BRWD1: variants seen among roughly 807,000 people sequenced by gnomAD.
The protein encoded by BRWD1 is bromodomain and WD repeat domain containing 1.
BRWD1 carries 82 observed loss-of-function variants against 251.2 expected under a neutral mutation model. The observed-to-expected ratio is 0.33, with a 90% CI of 0.27 to 0.39. The LOEUF (loss-of-function observed/expected upper bound fraction) is 0.39, where lower values mean the gene tolerates loss of function less well. BRWD1 is among the 10% of genes least tolerant of loss of function. The pLI, the probability that BRWD1 is intolerant of heterozygous loss-of-function variation, is 1.00. For synonymous variants in BRWD1, 918 were observed against 902.8 expected (o/e 1.02, Z -0.30); for missense variants, 2,233 against 2,711.6 (o/e 0.82, Z 3.92).
intron 36 of BRWD1, among the ~76,000 whole-genome samples, chr21:39,208,978 CAA>C (rs11401609): frequency 3.7e-5 from 5 of 136,002 alleles, no homozygotes; most frequent in Admixed American, 7.4e-5. Flanking sequence ...TACAAAATGA[CAA>C]AAAAAAAAAA....
At chr21:39,222,115 G>A (rs1182531543) in intron 29 of BRWD1, among the ~76,000 whole-genome samples, 1 of 151,964 alleles carries the variant, frequency 6.6e-6, no homozygotes, top group Non-Finnish European at 1.5e-5. Context: ...AATGTAAAAT[G>A]GTATACCTGC....
In BRWD1 at chr21:39,194,923, T is replaced by C. The variant is rs2031733083; in HGVS notation, c.*1336A>G. The C allele has an allele frequency of 4.0e-6, 6 of 1,499,628 alleles. No homozygotes were observed. The highest frequency in any genetic ancestry group is 1.3e-5 in the South Asian group (1 of 77,178). 92.9% of individuals were successfully genotyped at this position (1,499,628 alleles called of 1,614,324 possible). A position where few individuals can be genotyped will look rare whatever the true frequency, so the allele number is the denominator to read the frequency against. On this transcript the variant is annotated 3_prime_UTR_variant, in exon 41 of 41. Coordinates refer to ENST00000342449, the MANE Select transcript of BRWD1 (RefSeq NM_033656.4). ...AACTTACAGGTGGGGTACTGTAACA[T>C]ATCCCTTACCCACTAAATATGTAAA...
chr21:39,262,935 G>C (rs114512470), intron 17 of BRWD1, among the ~76,000 whole-genome samples: 2,312 of 151,844 alleles, frequency 0.015, 58 homozygotes, highest in African/African-American at 0.053. Context: ...GGGCAACATG[G>C]CAAAACCCCA....
intron 37 of BRWD1, among the ~76,000 whole-genome samples, chr21:39,205,789 A>G (rs1601262660): frequency 6.6e-6 from 1 of 151,812 alleles, no homozygotes; most frequent in East Asian, 1.9e-4. Context: ...AATAAAAAAT[A>G]AATAAATAGG....
intron 4 of BRWD1, among the ~76,000 whole-genome samples, chr21:39,304,626 A>AT (rs1244441564): frequency 6.6e-6 from 1 of 151,768 alleles, no homozygotes; most frequent in African/African-American, 2.4e-5. Flanking sequence ...AAACAAAAAA[A>AT]AAATACAAAT....
At position 39,199,545 on chromosome 21, in the gene BRWD1, T is replaced by C. The variant is rs757986583; in HGVS notation, c.4871A>G (p.Asn1624Ser). The part of the protein sequence containing the change: ...TGEILKARAG[N>S]NRKVLRKCAA... ...ACACTTCCTTAAGACTTTTCGGTTA[T>C]TTCCAGCTCTGGCTTTTAGAATTTC... Residue 1624 changes from asparagine (N) to serine (S), a missense_variant, in exon 40 of 41, where the codon AAT becomes AGT. By Grantham distance (46) the Asn-to-Ser change is conservative. Coordinates refer to ENST00000342449, the MANE Select transcript of BRWD1 (RefSeq NM_033656.4). 5.0e-6 allele frequency: 8 copies of C among 1,614,214 alleles called. No individual in the cohort carries two copies. Among genetic ancestry groups the C allele is most frequent in the Non-Finnish European group, 6.8e-6 (8 of 1,180,042 alleles).
chr21:39,218,464 T>C (rs2146518210), intron 30 of BRWD1, 41 bp downstream of exon 30: 7 of 1,527,076 alleles, frequency 4.6e-6, no homozygotes, highest in Non-Finnish European at 6.1e-6. Flanking sequence ...ATGAAAAAAA[T>C]TGAAAAAAAA....
chr21:39,252,737 T>C (rs1191058812), intron 19 of BRWD1, among the ~76,000 whole-genome samples: 1 of 152,196 alleles, frequency 6.6e-6, no homozygotes, highest in Non-Finnish European at 1.5e-5. Flanking sequence ...TTTATCCAGG[T>C]TCTTTGCTGC....
intron 5 of BRWD1, chr21:39,296,688 G>A (rs2035970113): frequency 1.7e-5 from 15 of 864,430 alleles, no homozygotes; most frequent in Non-Finnish European, 2.0e-5. Flanking sequence ...AGGTAACTGA[G>A]GCTCAAAGGT....
rs368495023 is a variant in BRWD1 at position 39,312,904 on chromosome 21, G to A, written c.139-4C>T. ...AGTCCAATCTCTTCGGCAACAACTG[G>A]AAAGACACGAAACGCACACGAGTGA... On this transcript the variant is annotated splice_polypyrimidine_tract_variant and splice_region_variant and intron_variant, in intron 3 of 40. Transcript: ENST00000342449. The A allele has an allele frequency of 1.4e-6, 2 of 1,447,646 alleles. No individual in the cohort carries two copies. Among genetic ancestry groups the A allele is most frequent in the East Asian group, 3.1e-5 (1 of 32,544 alleles). 89.7% of individuals were successfully genotyped at this position (1,447,646 alleles called of 1,614,324 possible). A position where few individuals can be genotyped will look rare whatever the true frequency, so the allele number is the denominator to read the frequency against.
chr21:39,203,454 T>TTTTTTTTTTTTTTTTG, intron 37 of BRWD1, among the ~76,000 whole-genome samples: 1 of 140,838 alleles, frequency 7.1e-6, no homozygotes, highest in Non-Finnish European at 1.5e-5. Context: ...TTTTTTTTTT[T>TTTTTTTTTTTTTTTTG]TTTTTTTTGA....
In BRWD1 at chr21:39,265,050, C is replaced by A; in HGVS notation, c.1531-31G>T. The A allele has an allele frequency of 1.9e-6, 3 of 1,602,248 alleles. No individual in the cohort carries two copies. The East Asian group carries it at 6.7e-5, about 36-fold the overall frequency. On this transcript the variant is annotated intron_variant, in intron 15 of 40. Coordinates refer to ENST00000342449, the MANE Select transcript of BRWD1 (RefSeq NM_033656.4). ...AAACACAAAAGGAAAAAAGTTAGGA[C>A]CAATTCTATGCAAGTGATTTGCTAT...
downstream of BRWD1, chr21:39,184,609 G>C (rs901067817): frequency 6.6e-6 from 1 of 152,226 alleles, no homozygotes; most frequent in South Asian, 2.1e-4. Flanking sequence ...TCTCAAAGCT[G>C]TTAGAAACAT....
At chr21:39,214,944 C>T (rs1033665697) in intron 32 of BRWD1, among the ~76,000 whole-genome samples, 2 of 146,212 alleles carry the variant, frequency 1.4e-5, no homozygotes, top group African/African-American at 5.1e-5. Flanking sequence ...TGCAATGGCA[C>T]GATCCACACA....
intron 21 of BRWD1, among the ~76,000 whole-genome samples, chr21:39,242,134 A>C (rs1308232875): frequency 8.5e-5 from 13 of 152,264 alleles, no homozygotes; most frequent in Admixed American, 8.5e-4. Flanking sequence ...GCATGGTGAA[A>C]GCCAACACAG....
intron 21 of BRWD1, among the ~76,000 whole-genome samples, chr21:39,244,945 T>TATATATATATATATATATATATATGC (rs2034132704): frequency 7.2e-6 from 1 of 139,572 alleles, no homozygotes; most frequent in Admixed American, 7.2e-5. Flanking sequence ...TATATATATA[T>TATATATATATATATATATATATATGC]GCAGAAAAAG....
chr21:39,202,557 T>C lies in BRWD1; in HGVS notation c.4365-12A>G, dbSNP rs1224216120. ...TCGGCTTGAGGTTTCTGGCCAAACA[T>C]ATGAACAAAGGAAACAGTATTTAAC... On this transcript the variant is annotated splice_polypyrimidine_tract_variant and intron_variant, in intron 37 of 40. Transcript: ENST00000342449. The C allele has an allele frequency of 1.3e-6, 2 of 1,591,346 alleles. No homozygotes were observed. Among genetic ancestry groups the C allele is most frequent in the African/African-American group, 1.3e-5 (1 of 74,580 alleles).
rs543165049 is a variant in BRWD1, at chr21:39,194,505, T to G, written c.*1754A>C. On this transcript the variant is annotated 3_prime_UTR_variant, in exon 41 of 41. Transcript: ENST00000342449. ...ACAAGTTCTGAGAAGAAAAGCATCA[T>G]AGTTCTGAAATGGTGATAGCTCTCT... is the stretch of plus-strand genomic sequence containing the variant. The G allele has an allele frequency of 7.8e-6, 11 of 1,419,022 alleles. No homozygotes were observed. The highest frequency in any genetic ancestry group is 2.6e-4 in the Middle Eastern group (1 of 3,866). The allele number at this position is 1,419,022 out of a possible 1,614,324, so 87.9% of individuals were successfully genotyped here.
chr21:39,303,252 C>T (rs990118771), intron 4 of BRWD1, among the ~76,000 whole-genome samples: 2 of 152,030 alleles, frequency 1.3e-5, no homozygotes, highest in African/African-American at 4.8e-5. Context: ...GGTGCAGTGA[C>T]TCACACCTGT....
Sources: allele counts gnomAD v4.1 joint callset (sites outside exome capture counted in the v4.1 genomes callset), GRCh38; gene constraint gnomAD v4.1.1; transcripts MANE v1.5; gene names NCBI Gene and HGNC (gene_info 2026-07-23, HGNC 2026-07-21).